TBL1XR1: variants seen among roughly 807,000 people sequenced by gnomAD.
The protein encoded by TBL1XR1 is TBL1X/Y related 1.
TBL1XR1 carries 5 observed loss-of-function variants against 66.9 expected under a neutral mutation model. That is an observed-to-expected ratio of 0.07 (90% CI 0.04 to 0.16). The LOEUF (loss-of-function observed/expected upper bound fraction) is 0.16. Among genes scored for constraint, TBL1XR1 ranks in the 10% least tolerant of loss-of-function variants. The pLI is 1.00. For synonymous variants in TBL1XR1, 210 were observed against 206.0 expected, an observed-to-expected ratio of 1.02 and a Z score of -0.17; for missense variants, 238 against 623.2, an observed-to-expected ratio of 0.38 and a Z score of 6.58.
intron 1 of TBL1XR1, chr3:177,126,237 T>C (rs575136879): frequency 3.3e-4 from 50 of 152,326 alleles, no homozygotes; most frequent in African/African-American, 1.1e-3. Context: ...CGGCTAGATA[T>C]GGGATTCAGC....
intron 3 of TBL1XR1, among the ~76,000 whole-genome samples, chr3:177,059,935 C>T (rs1370405162): frequency 6.6e-6 from 1 of 152,212 alleles, no homozygotes; most frequent in Non-Finnish European, 1.5e-5. Context: ...ATCTTTCTCT[C>T]GTGCTGGATG....
intron 1 of TBL1XR1, among the ~76,000 whole-genome samples, chr3:177,178,672 C>G (rs182210765): frequency 9.5e-4 from 144 of 152,034 alleles, no homozygotes; most frequent in African/African-American, 3.4e-3. Flanking sequence ...CATGGAGAAG[C>G]CCTAATTATA....
intron 3 of TBL1XR1, among the ~76,000 whole-genome samples, chr3:177,058,648 G>C (rs1354323699): frequency 6.6e-6 from 1 of 152,106 alleles, no homozygotes; most frequent in Admixed American, 6.6e-5. Context: ...TCCCTCAAAA[G>C]CTGAAGGGGA....
chr3:177,047,601 T>A (rs1326944723), intron 7 of TBL1XR1, 52 bp from the exon 8 acceptor site: 3 of 1,545,584 alleles, frequency 1.9e-6, no homozygotes, highest in Non-Finnish European at 2.7e-6. Flanking sequence ...CGGTATTTAA[T>A]TGTTGTTAAA....
intron 13 of TBL1XR1, among the ~76,000 whole-genome samples, chr3:177,033,982 GTACAC>G (rs1182574864): frequency 6.6e-6 from 1 of 151,666 alleles, no homozygotes; most frequent in East Asian, 1.9e-4. Flanking sequence ...TACACACTGG[GTACAC>G]TACACTGCTT....
chr3:177,098,982 T>C (rs998219932), intron 1 of TBL1XR1, among the ~76,000 whole-genome samples: 7 of 152,224 alleles, frequency 4.6e-5, no homozygotes, highest in Non-Finnish European at 7.3e-5. Context: ...ATTAACTCTG[T>C]TCTCTTTAAA....
At position 177,053,821 on chromosome 3, in the gene TBL1XR1, G is replaced by A; in HGVS notation, c.156C>T (p.Ile52=). ...ALVPPAALIS[I]IQKGLQYVEA... ...CTACATACTGTAGACCTTTCTGGATGATAGAAATCAATGCAGCGGGTGGGA... is the reference window on the plus strand; with the variant it reads ...CTACATACTGTAGACCTTTCTGGATAATAGAAATCAATGCAGCGGGTGGGA... The change falls in exon 4 of 16, where the codon ATC becomes ATT. Residue 52 remains isoleucine (I), a synonymous_variant. Transcript: ENST00000457928. The A allele has an allele frequency of 6.2e-7, 1 of 1,613,422 alleles. No homozygotes were observed. Among genetic ancestry groups the A allele is most frequent in the Non-Finnish European group, 8.5e-7 (1 of 1,179,794 alleles).
At chr3:177,062,839 G>C (rs1306663920) in intron 3 of TBL1XR1, among the ~76,000 whole-genome samples, 1 of 151,912 alleles carries the variant, frequency 6.6e-6, no homozygotes, top group African/African-American at 2.4e-5. Flanking sequence ...AAGAAGAAAA[G>C]CAAGTTTAAG....
chr3:177,170,894 C>T (rs865812959), intron 1 of TBL1XR1, among the ~76,000 whole-genome samples: 1 of 152,078 alleles, frequency 6.6e-6, no homozygotes, highest in Non-Finnish European at 1.5e-5. Flanking sequence ...CATGAGCCAC[C>T]GTGCCAATGA....
intron 2 of TBL1XR1, among the ~76,000 whole-genome samples, chr3:177,066,107 G>C (rs1033328356): frequency 6.6e-6 from 1 of 152,084 alleles, no homozygotes; most frequent in Admixed American, 6.5e-5. Context: ...GTGGAACTAT[G>C]CTGGTTGTCC....
At chr3:177,184,291 G>A (rs971886136) in intron 1 of TBL1XR1, among the ~76,000 whole-genome samples, 3 of 152,182 alleles carry the variant, frequency 2.0e-5, no homozygotes, top group Non-Finnish European at 1.5e-5. Context: ...CAGGATCGGT[G>A]CAGTATCAGA....
chr3:177,043,294 T>A (rs1421387030), intron 10 of TBL1XR1, among the ~76,000 whole-genome samples: 1 of 152,220 alleles, frequency 6.6e-6, no homozygotes, highest in South Asian at 2.1e-4. Flanking sequence ...ATAATTTCTA[T>A]TTCCTTTGAA....
rs772438397 is a variant in TBL1XR1, at chr3:177,156,575, T to TTA, written c.-122+40544_-122+40545dup. ...TATATATATATACACACACATACATTTATATATATATATATAAAATTCTGA... is the reference window on the plus strand; with the variant it reads ...TATATATATATACACACACATACATTTATATATATATATATATAAAATTCTGA... On this transcript the variant is annotated intron_variant, in intron 1 of 15. Transcript: ENST00000457928. Among the ~76,000 whole-genome samples, 672 of 141,214 alleles carry TTA rather than the reference T, an allele frequency of 4.8e-3. 2 individuals carry two copies. Among genetic ancestry groups the TTA allele is most frequent in the Admixed American group, 0.012 (177 of 14,270 alleles). The allele number at this position is 141,214 out of a possible 152,430, so 92.6% of individuals were successfully genotyped here. A position where few individuals can be genotyped will look rare whatever the true frequency, so the allele number is the denominator to read the frequency against.
At chr3:177,035,455 C>T (rs1482516287) in intron 12 of TBL1XR1, among the ~76,000 whole-genome samples, 1 of 145,722 alleles carries the variant, frequency 6.9e-6, no homozygotes, top group Non-Finnish European at 1.5e-5. Context: ...CACTCTCTTG[C>T]CCAGGCTGGA....
chr3:177,131,294 T>C, intron 1 of TBL1XR1: 1 of 977,750 alleles, frequency 1.0e-6, no homozygotes, highest in Non-Finnish European at 1.2e-6. Flanking sequence ...TGCCTAATCA[T>C]AAAGACCCTT....
chr3:177,031,622 T>C (rs915089022), intron 14 of TBL1XR1, among the ~76,000 whole-genome samples: 2 of 145,742 alleles, frequency 1.4e-5, no homozygotes, highest in Non-Finnish European at 3.0e-5. Flanking sequence ...TGAGCCACCA[T>C]GTGCAGCCTA....
chr3:177,135,319 GT>G, intron 1 of TBL1XR1, among the ~76,000 whole-genome samples: 1 of 98,084 alleles, frequency 1.0e-5, no homozygotes, highest in Admixed American at 1.1e-4. Flanking sequence ...GTGTGTGTGT[GT>G]GTGTGTGTGT....
At chr3:177,067,012 C>T (rs1055961165) in intron 2 of TBL1XR1, among the ~76,000 whole-genome samples, 2 of 151,968 alleles carry the variant, frequency 1.3e-5, no homozygotes, top group African/African-American at 4.8e-5. Context: ...GGATACTGGC[C>T]CAGGGCACTG....
intron 1 of TBL1XR1, chr3:177,194,008 C>G (rs1406188360): frequency 6.6e-6 from 1 of 152,240 alleles, no homozygotes; most frequent in Non-Finnish European, 1.5e-5. Flanking sequence ...TAGCCCGGAG[C>G]ACCTAGTCCC....
Sources: allele counts gnomAD v4.1 joint callset (sites outside exome capture counted in the v4.1 genomes callset), GRCh38; gene constraint gnomAD v4.1.1; transcripts MANE v1.5; gene names NCBI Gene and HGNC (gene_info 2026-07-23, HGNC 2026-07-21).